The following TENM2 variants were observed in gnomAD, a reference collection of about 807,000 sequenced individuals.
TENM2 encodes the protein teneurin transmembrane protein 2, also known as teneurin-2.
A neutral mutation model predicts 245.2 loss-of-function variants in TENM2; 52 were observed. The ratio of observed to expected loss-of-function variants is 0.21; its 90% CI spans 0.17 to 0.27. TENM2 has a LOEUF of 0.27. TENM2 is among the 10% of genes least tolerant of loss of function. The pLI, the probability that TENM2 is intolerant of heterozygous loss-of-function variation, is 1.00. For missense variants in TENM2, 3,046 were observed against 3,666.8 expected, an observed-to-expected ratio of 0.83 and a Z score of 4.37; for synonymous variants, 1,363 against 1,438.9, an observed-to-expected ratio of 0.95 and a Z score of 1.19.
intron 3 of TENM2, among the ~76,000 whole-genome samples, chr5:167,896,863 G>A (rs1775264620): frequency 6.6e-6 from 1 of 152,196 alleles, no homozygotes. Flanking sequence ...TGTTAGAGAG[G>A]AATTGCCTTT....
chr5:167,493,052 G>T (rs1414211051), intron 2 of TENM2, among the ~76,000 whole-genome samples: 1 of 152,038 alleles, frequency 6.6e-6, no homozygotes, highest in Non-Finnish European at 1.5e-5. Context: ...TCCTGCTGTG[G>T]GATTCTGTGA....
intron 2 of TENM2, among the ~76,000 whole-genome samples, chr5:167,479,186 C>G (rs775942276): frequency 2.0e-4 from 30 of 152,146 alleles, no homozygotes; most frequent in Admixed American, 1.3e-4. Context: ...ATCTAAACCT[C>G]TGAGTTATCA....
intron 2 of TENM2, among the ~76,000 whole-genome samples, chr5:167,562,985 AAAGC>A (rs1773693748): frequency 1.3e-5 from 2 of 151,928 alleles, no homozygotes; most frequent in Admixed American, 6.6e-5. Context: ...AGAAAAAGAA[AAAGC>A]AAGCCTACCA....
intron 4 of TENM2, among the ~76,000 whole-genome samples, chr5:167,964,463 A>G (rs1159100935): frequency 6.6e-6 from 1 of 152,222 alleles, no homozygotes; most frequent in Non-Finnish European, 1.5e-5. Flanking sequence ...GCCTTTTTAA[A>G]TGGTCATTCA....
chr5:167,391,647 A>AAAAAAAAAAAAAAAAAAAAT (rs70976420), intron 2 of TENM2, among the ~76,000 whole-genome samples: 2 of 126,838 alleles, frequency 1.6e-5, no homozygotes, highest in Admixed American at 8.2e-5. Flanking sequence ...AAAAAAAAAA[A>AAAAAAAAAAAAAAAAAAAAT]GCACTCTCAA....
the TENM2 span, among the ~76,000 whole-genome samples, chr5:167,184,793 A>G: frequency 1.3e-5 from 2 of 152,126 alleles, no homozygotes; most frequent in Non-Finnish European, 2.9e-5. Context: ...GCTGATCTCA[A>G]ACTGGCCCAG....
chr5:167,348,688 AC>A (rs566522297), intron 1 of TENM2, among the ~76,000 whole-genome samples: 19 of 152,194 alleles, frequency 1.2e-4, no homozygotes, highest in Non-Finnish European at 2.8e-4. Flanking sequence ...GAGTGTTTTA[AC>A]CCCAGGGGAC....
chr5:167,700,909 T>TA (rs1401066614), intron 2 of TENM2, among the ~76,000 whole-genome samples: 1 of 121,570 alleles, frequency 8.2e-6, no homozygotes, highest in Non-Finnish European at 1.6e-5. Flanking sequence ...TCAGAAATAA[T>TA]ACTTAGTTCA....
chr5:168,209,915 C>T (rs1419523891), intron 19 of TENM2, among the ~76,000 whole-genome samples: 1 of 152,134 alleles, frequency 6.6e-6, no homozygotes, highest in Non-Finnish European at 1.5e-5. Flanking sequence ...CTCTGAGAGA[C>T]GGGCTGAGAA....
chr5:167,892,913 AT>A (rs1352650813), intron 3 of TENM2, among the ~76,000 whole-genome samples: 1 of 152,208 alleles, frequency 6.6e-6, no homozygotes, highest in Non-Finnish European at 1.5e-5. Flanking sequence ...CATGCAAGTT[AT>A]CATGATTGTT....
intron 1 of TENM2, among the ~76,000 whole-genome samples, chr5:167,369,386 T>A (rs1396318332): frequency 6.6e-6 from 1 of 152,212 alleles, no homozygotes; most frequent in Non-Finnish European, 1.5e-5. Flanking sequence ...ACTATTTCTA[T>A]CTTCTCTTGT....
At chr5:167,888,320 T>G (rs1198485230) in intron 3 of TENM2, among the ~76,000 whole-genome samples, 1 of 152,210 alleles carries the variant, frequency 6.6e-6, no homozygotes, top group Non-Finnish European at 1.5e-5. Context: ...GCACCCTGTT[T>G]CCCTTGTGTC....
the TENM2 span, among the ~76,000 whole-genome samples, chr5:167,274,233 A>G: frequency 6.6e-6 from 1 of 152,132 alleles, no homozygotes; most frequent in Non-Finnish European, 1.5e-5. Flanking sequence ...CCAGAATGTT[A>G]TGTAAGTGGA....
At chr5:168,210,134 T>C (rs1353214516) in intron 19 of TENM2, among the ~76,000 whole-genome samples, 5 of 152,142 alleles carry the variant, frequency 3.3e-5, no homozygotes, top group Non-Finnish European at 7.4e-5. Context: ...ATAGACTGAC[T>C]CGGTGATGCT....
At chr5:167,072,980 A>G in the TENM2 span, among the ~76,000 whole-genome samples, 5 of 152,224 alleles carry the variant, frequency 3.3e-5, no homozygotes, top group Admixed American at 3.3e-4. Context: ...ACAAATAGAT[A>G]TTCTATAATT....
intron 2 of TENM2, among the ~76,000 whole-genome samples, chr5:167,385,856 A>ATGTG (rs60407919): frequency 0.027 from 3,706 of 139,096 alleles, 65 homozygotes; most frequent in East Asian, 0.04. Flanking sequence ...TTATATATAT[A>ATGTG]TGTGTGTGTG....
rs185644761 is a variant in TENM2, at chr5:167,698,537, G to A, written c.503-177449G>A. ...TACCCAGGTCCTGGTCTCCTGGGTG[G>A]CCACTGCACAGATATACTGTACTGC... On this transcript the variant is annotated intron_variant, in intron 2 of 28. Coordinates refer to ENST00000518659, the Ensembl canonical transcript of TENM2. Among the ~76,000 whole-genome samples the A allele has an allele frequency of 2.6e-5, 4 of 152,266 alleles. No homozygotes were observed. The East Asian group carries it at 7.7e-4, about 29-fold the overall frequency.
chr5:167,929,102 AAAGAAAGAAAGAAAGAAAGAAAG>A (rs1223673096), intron 3 of TENM2, among the ~76,000 whole-genome samples: 3 of 142,054 alleles, frequency 2.1e-5, no homozygotes, highest in East Asian at 4.2e-4. Context: ...AGAAAGAAAG[AAAGAAAGAAAGAAAGAAAGAAAG>A]AAAGAAAAGA....
intron 2 of TENM2, among the ~76,000 whole-genome samples, chr5:167,632,264 AG>A (rs901405316): frequency 3.9e-5 from 6 of 152,210 alleles, no homozygotes; most frequent in African/African-American, 1.4e-4. Context: ...GGGCCATGAT[AG>A]TGTCTATGGA....
Sources: gnomAD v4.1 joint callset for allele counts (sites outside exome capture counted in the v4.1 genomes callset) on GRCh38, gnomAD v4.1.1 for gene constraint, MANE v1.5 for transcripts, NCBI Gene and HGNC (gene_info 2026-07-23, HGNC 2026-07-21) for gene names.